The following UNC5D variants were observed in gnomAD, a reference collection of about 807,000 sequenced individuals.
The protein encoded by UNC5D is unc-5 netrin receptor D.
UNC5D carries 39 observed loss-of-function variants against 105.4 expected under a neutral mutation model. The ratio of observed to expected loss-of-function variants is 0.37; its 90% CI spans 0.29 to 0.48. The LOEUF is 0.48. Among genes scored for constraint, UNC5D ranks in the 20% least tolerant of loss-of-function variants. The probability of loss-of-function intolerance (pLI) is 0.98; values close to 1 mark genes in which losing one functional copy is unlikely to be tolerated. For synonymous variants in UNC5D, 452 were observed against 450.4 expected, an observed-to-expected ratio of 1.00 and a Z score of -0.04; for missense variants, 991 against 1,202.4, an observed-to-expected ratio of 0.82 and a Z score of 2.60.
At chr8:35,544,456 G>T in intron 1 of UNC5D, 1 of 1,613,962 alleles carries the variant, frequency 6.2e-7, no homozygotes, top group Non-Finnish European at 8.5e-7. Flanking sequence ...GGATGATCCT[G>T]GTGTTAGTTA....
At chr8:35,263,224 C>T (rs541372867) in intron 1 of UNC5D, among the ~76,000 whole-genome samples, 11 of 152,232 alleles carry the variant, frequency 7.2e-5, no homozygotes, top group Non-Finnish European at 1.3e-4. Context: ...CTAATAATTC[C>T]TCTGAATAGA....
intron 1 of UNC5D, among the ~76,000 whole-genome samples, chr8:35,402,381 C>T (rs1437933956): frequency 1.3e-5 from 2 of 151,966 alleles, no homozygotes; most frequent in Non-Finnish European, 2.9e-5. Flanking sequence ...AAGGGGCTTC[C>T]CTTATTTATA....
chr8:35,336,033 G>A lies in UNC5D; in HGVS notation c.103+100146G>A. 1.3e-5 allele frequency among the ~76,000 whole-genome samples: 2 copies of A among 152,072 alleles called. 1 individual carries two copies. The highest frequency in any genetic ancestry group is 2.9e-5 in the Non-Finnish European group (2 of 68,024). ...CTGCATTAGCCTCCCAAAGTGTTGG[G>A]ATTGCAGGCGTGAACCACCGCGCCC... On this transcript the variant is annotated intron_variant, in intron 1 of 16. Coordinates refer to ENST00000404895, the MANE Select transcript of UNC5D (RefSeq NM_080872.4).
Position 35,549,519 on chromosome 8 carries a change from G to C in UNC5D, c.322+9G>C, listed in dbSNP as rs774487748. 1.2e-6 allele frequency: 2 copies of C among 1,609,208 alleles called. No homozygotes were observed. Among genetic ancestry groups the C allele is most frequent in the Non-Finnish European group, 8.5e-7 (1 of 1,178,384 alleles). On this transcript the variant is annotated intron_variant, in intron 2 of 16. Transcript: ENST00000404895. ...TCTGGACGAGAGCTCAGGTAGGAGC[G>C]TGCAGCAGTCAGAAGCAGCTGTGGT...
At chr8:35,525,494 T>G in intron 1 of UNC5D, 1 of 1,612,354 alleles carries the variant, frequency 6.2e-7, no homozygotes, top group Non-Finnish European at 8.5e-7. Flanking sequence ...CTGTCCGTGC[T>G]TTGCTGGCAA....
intron 4 of UNC5D, among the ~76,000 whole-genome samples, chr8:35,598,200 A>G (rs545242332): frequency 3.3e-4 from 50 of 152,288 alleles, no homozygotes; most frequent in African/African-American, 1.1e-3. Context: ...TTATCCCAGC[A>G]ATTTATCCTA....
intron 4 of UNC5D, among the ~76,000 whole-genome samples, chr8:35,656,691 C>G (rs1406225690): frequency 1.3e-5 from 2 of 152,068 alleles, no homozygotes; most frequent in Non-Finnish European, 2.9e-5. Context: ...GTGTCTCTCC[C>G]TTTACTCTTT....
At position 35,445,811 on chromosome 8, in the gene UNC5D, GT is replaced by G. The variant is rs1046811649; in HGVS notation, c.104-103478del. 1.1e-4 allele frequency among the ~76,000 whole-genome samples: 16 copies of G among 152,082 alleles called. 1 individual carries two copies. The highest frequency in any genetic ancestry group is 3.9e-4 in the African/African-American group (16 of 41,510). Reference sequence around the variant, plus strand: ...ATGCACAGCTTTCAATTCTTTTTGTGTTTAAAAAAGTGATTAATACATCTGT... The same window carrying G: ...ATGCACAGCTTTCAATTCTTTTTGTGTTAAAAAAGTGATTAATACATCTGT... On this transcript the variant is annotated intron_variant, in intron 1 of 16. Transcript: ENST00000404895.
rs371345531 is a variant in UNC5D at position 35,613,792 on chromosome 8, T to C, written c.570+18135T>C. 5.3e-5 allele frequency among the ~76,000 whole-genome samples: 8 copies of C among 152,204 alleles called. No individual in the cohort carries two copies. The East Asian group carries it at 1.3e-3, about 26-fold the overall frequency. On this transcript the variant is annotated intron_variant, in intron 4 of 16. Coordinates refer to ENST00000404895, the MANE Select transcript of UNC5D (RefSeq NM_080872.4). ...TGAACCTGGGAGGCGGAGGTTGCAG[T>C]GAGCCAAGATGGTGCCACTGCACTC...
chr8:35,272,148 T>C (rs1475232054), intron 1 of UNC5D, among the ~76,000 whole-genome samples: 1 of 152,010 alleles, frequency 6.6e-6, no homozygotes, highest in Non-Finnish European at 1.5e-5. Context: ...AAATAAAACA[T>C]GAGGTTGAAT....
intron 10 of UNC5D, chr8:35,727,285 G>A (rs1034938212): frequency 6.6e-6 from 1 of 152,276 alleles, no homozygotes; most frequent in Admixed American, 6.5e-5. Flanking sequence ...TCTAAGCAAT[G>A]AGAATTAGGT....
intron 1 of UNC5D, among the ~76,000 whole-genome samples, chr8:35,297,874 C>G (rs1807615020): frequency 6.6e-6 from 1 of 152,078 alleles, no homozygotes; most frequent in African/African-American, 2.4e-5. Flanking sequence ...AATTTGACAG[C>G]ATTCCACGAC....
chr8:35,544,701 C>T (rs570292722), intron 1 of UNC5D, among the ~76,000 whole-genome samples: 1 of 142,778 alleles, frequency 7.0e-6, no homozygotes, highest in African/African-American at 2.6e-5. Flanking sequence ...CTTCCGGGTA[C>T]AAGTGATTTT....
At chr8:35,657,788 T>A (rs550709477) in intron 4 of UNC5D, among the ~76,000 whole-genome samples, 1 of 152,228 alleles carries the variant, frequency 6.6e-6, no homozygotes, top group African/African-American at 2.4e-5. Context: ...GCCTAGTTAA[T>A]ATTGTGATTA....
At chr8:35,538,027 G>T (rs1355586417) in intron 1 of UNC5D, among the ~76,000 whole-genome samples, 3 of 152,068 alleles carry the variant, frequency 2.0e-5, no homozygotes, top group Non-Finnish European at 4.4e-5. Flanking sequence ...TTACATACAT[G>T]AATAGTTGGG....
intron 4 of UNC5D, among the ~76,000 whole-genome samples, chr8:35,651,738 G>A (rs1459093466): frequency 6.6e-6 from 1 of 151,808 alleles, no homozygotes; most frequent in Non-Finnish European, 1.5e-5. Flanking sequence ...GTCTAGTTTT[G>A]AATTTTGTAT....
chr8:35,623,948 T>C (rs891637471), intron 4 of UNC5D, among the ~76,000 whole-genome samples: 8 of 151,930 alleles, frequency 5.3e-5, no homozygotes, highest in South Asian at 4.2e-4. Context: ...GACGTGGTGG[T>C]GGGCGCCTGT....
chr8:35,249,918 G>A (rs1803576009), intron 1 of UNC5D, among the ~76,000 whole-genome samples: 1 of 151,840 alleles, frequency 6.6e-6, no homozygotes, highest in African/African-American at 2.4e-5. Context: ...TGTCTTCACT[G>A]AAAGCCATTT....
At chr8:35,705,465 G>T (rs1320321526) in intron 7 of UNC5D, among the ~76,000 whole-genome samples, 1 of 152,202 alleles carries the variant, frequency 6.6e-6, no homozygotes, top group African/African-American at 2.4e-5. Flanking sequence ...GGATAAACAG[G>T]CAGAGTTGGG....
Sources: gnomAD v4.1 joint callset for allele counts (sites outside exome capture counted in the v4.1 genomes callset) on GRCh38, gnomAD v4.1.1 for gene constraint, MANE v1.5 for transcripts, NCBI Gene and HGNC (gene_info 2026-07-23, HGNC 2026-07-21) for gene names.